Variants in ABCB5 observed in about 807,000 individuals in gnomAD.
The protein encoded by ABCB5 is ATP binding cassette subfamily B member 5, also known as ATP-binding cassette sub-family B member 5.
In ABCB5, 155 loss-of-function variants were observed where a neutral mutation model predicts 144.2. That is an observed-to-expected ratio of 1.08 (90% CI 0.94 to 1.23). The LOEUF is 1.23. Among genes scored for constraint, ABCB5 ranks in the 50% most tolerant of loss-of-function variants. The probability of loss-of-function intolerance (pLI) is 0.00; values close to 1 mark genes in which losing one functional copy is unlikely to be tolerated. For missense variants in ABCB5, 1,830 were observed against 1,520.8 expected (o/e 1.20, Z -3.38); for synonymous variants, 610 against 528.6 (o/e 1.15, Z -2.11).
intron 13 of ABCB5, among the ~76,000 whole-genome samples, chr7:20,653,320 T>C (rs1379409473): frequency 6.6e-6 from 1 of 152,160 alleles, no homozygotes; most frequent in Non-Finnish European, 1.5e-5. Context: ...TCCACAGCCA[T>C]AGCTAACCAG....
At chr7:20,647,735 A>G in intron 10 of ABCB5, 87 bp downstream of exon 10, 7 of 1,506,386 alleles carry the variant, frequency 4.6e-6, no homozygotes, top group Non-Finnish European at 6.2e-6. Context: ...CACTAAAACA[A>G]TAGGATGGAC....
chr7:20,739,503 T>C (rs949981076), intron 24 of ABCB5, among the ~76,000 whole-genome samples: 3 of 151,950 alleles, frequency 2.0e-5, no homozygotes, highest in Non-Finnish European at 2.9e-5. Flanking sequence ...GCAAAATAAT[T>C]TTATGGCTGC....
chr7:20,714,830 CA>C (rs34069825), intron 20 of ABCB5, among the ~76,000 whole-genome samples: 1 of 152,176 alleles, frequency 6.6e-6, no homozygotes, highest in Non-Finnish European at 1.5e-5. Context: ...CCTGTCTCAT[CA>C]AAAATCTGTC....
intron 26 of ABCB5, among the ~76,000 whole-genome samples, chr7:20,746,037 T>C (rs957960109): frequency 6.6e-6 from 1 of 152,206 alleles, no homozygotes; most frequent in African/African-American, 2.4e-5. Flanking sequence ...CTTAGGACAT[T>C]TGCGTTTGCT....
intron 5 of ABCB5, among the ~76,000 whole-genome samples, chr7:20,636,986 C>G (rs1188519099): frequency 2.0e-5 from 3 of 152,032 alleles, no homozygotes; most frequent in African/African-American, 7.2e-5. Flanking sequence ...ACATACATGA[C>G]AAATACGGAT....
intron 9 of ABCB5, chr7:20,647,271 A>G: frequency 3.4e-6 from 4 of 1,185,526 alleles, no homozygotes; most frequent in Non-Finnish European, 4.2e-6. Flanking sequence ...GATAACCACA[A>G]GACTATGAGA....
intron 21 of ABCB5, among the ~76,000 whole-genome samples, chr7:20,723,886 G>A (rs1224590341): frequency 3.3e-5 from 5 of 152,140 alleles, no homozygotes; most frequent in Non-Finnish European, 7.4e-5. Context: ...TTAATCATTT[G>A]GAAAATGCCT....
intron 14 of ABCB5, among the ~76,000 whole-genome samples, chr7:20,664,498 C>G (rs1785107282): frequency 6.6e-6 from 1 of 152,124 alleles, no homozygotes; most frequent in Non-Finnish European, 1.5e-5. Context: ...TATGGATAAG[C>G]ATCTTGGTGA....
chr7:20,643,482 T>C lies in ABCB5; in HGVS notation c.528T>C (p.Asp176=). ...RMTDDIDKIS[D]GIGDKIALLF... is the part of the protein sequence containing the mutation. Reference sequence around the variant, plus strand: ...TCAGTGACATTGACAAAATCAGTGATGGTATTGGAGATAAGATTGCTCTGT... The same window carrying C: ...TCAGTGACATTGACAAAATCAGTGACGGTATTGGAGATAAGATTGCTCTGT... Residue 176 remains aspartate (D), a synonymous_variant, in exon 7 of 28, where the codon GAT becomes GAC. Coordinates refer to ENST00000404938, the MANE Select transcript of ABCB5 (RefSeq NM_001163941.2). 2 of 1,614,030 alleles carry C rather than the reference T, an allele frequency of 1.2e-6. No individual in the cohort carries two copies. The highest frequency in any genetic ancestry group is 1.1e-5 in the South Asian group (1 of 91,088).
At chr7:20,690,124 T>TA (rs1263295780) in intron 16 of ABCB5, among the ~76,000 whole-genome samples, 1 of 152,114 alleles carries the variant, frequency 6.6e-6, no homozygotes, top group Admixed American at 6.5e-5. Context: ...CCTGAATGAA[T>TA]AAAAAATCAC....
chr7:20,640,747 G>GA lies in ABCB5; in HGVS notation c.315-2429dup, dbSNP rs558869800. 4.6e-5 allele frequency among the ~76,000 whole-genome samples: 7 copies of GA among 151,964 alleles called. No individual in the cohort carries two copies. The South Asian group carries it at 6.3e-4, about 14-fold the overall frequency. The stretch of plus-strand genomic sequence containing the variant: ...ACCACAAGTATTGACTTGGGACTTA[G>GA]AAAAAAAACTTTAGCAAGGAAGCAG... On this transcript the variant is annotated intron_variant, in intron 5 of 27. Transcript: ENST00000404938.
In ABCB5 at chr7:20,739,085, C is replaced by T. The variant is rs2128054313; in HGVS notation, c.2970C>T (p.Ala990=). The change falls in exon 24 of 28, where the codon GCC becomes GCT. Residue 990 remains alanine (A), a synonymous_variant. Coordinates refer to ENST00000404938, the MANE Select transcript of ABCB5 (RefSeq NM_001163941.2). ...AATCGGGGGCTGCGCATCTGTTTGC[C>T]TTGTTGGAAAAGAAACCAAATATAG... ...KAKSGAAHLF[A]LLEKKPNIDS... 6.2e-7 allele frequency: 1 copy of T among 1,610,488 alleles called. No homozygotes were observed. Among genetic ancestry groups the T allele is most frequent in the Non-Finnish European group, 8.5e-7 (1 of 1,178,450 alleles).
intron 4 of ABCB5, among the ~76,000 whole-genome samples, chr7:20,630,847 CTAATTTTTCTTG>C (rs1562528849): frequency 1.1e-5 from 1 of 89,028 alleles, no homozygotes; most frequent in African/African-American, 6.6e-5. Context: ...GCTGTGAATT[CTAATTTTTCTTG>C]TTGTTCAAGG....
chr7:20,711,776 T>TTCTCTCTCTC lies in ABCB5; in HGVS notation c.2421+6974_2421+6975insCTCTCTCTCT, dbSNP rs537885442. On this transcript the variant is annotated intron_variant, in intron 20 of 27. Coordinates refer to ENST00000404938, the MANE Select transcript of ABCB5 (RefSeq NM_001163941.2). ...GCCCAGCCTGCCTGCCTTTCCTTCT[T>TTCTCTCTCTC]TCTCTTTCTTTCTTTCTTTCTTTCT... Among the ~76,000 whole-genome samples the TTCTCTCTCTC allele has an allele frequency of 4.9e-3, 205 of 42,218 alleles. 29 individuals carry two copies. The highest frequency in any genetic ancestry group is 0.033 in the East Asian group (45 of 1,348). 27.7% of individuals were successfully genotyped at this position (42,218 alleles called of 152,430 possible).
At chr7:20,643,127 G>A in intron 5 of ABCB5, 57 bp from the exon 6 acceptor site, 1 of 1,433,714 alleles carries the variant, frequency 7.0e-7, no homozygotes, top group Non-Finnish European at 9.6e-7. Context: ...TTTTTTATGT[G>A]TGTAACAAGA....
chr7:20,725,121 A>T (rs1781994749), intron 21 of ABCB5, among the ~76,000 whole-genome samples: 1 of 152,244 alleles, frequency 6.6e-6, no homozygotes, highest in Admixed American at 6.5e-5. Context: ...ACCTCAGACT[A>T]TACAACAAAC....
Position 20,717,883 on chromosome 7 carries a change from C to CTTTTTTT in ABCB5, c.2422-5103_2422-5097dup, listed in dbSNP as rs574592723. Among the ~76,000 whole-genome samples the CTTTTTTT allele has an allele frequency of 4.2e-4, 18 of 43,272 alleles. 7 individuals carry two copies. Among genetic ancestry groups the CTTTTTTT allele is most frequent in the African/African-American group, 8.8e-4 (12 of 13,666 alleles). 28.4% of individuals were successfully genotyped at this position (43,272 alleles called of 152,430 possible). The stretch of plus-strand genomic sequence containing the variant: ...AATACGGTAACATTCTTGTAACATT[C>CTTTTTTT]TTTTTTTTTTTTTTTTTTTTTTTTT... On this transcript the variant is annotated intron_variant, in intron 20 of 27. Coordinates refer to ENST00000404938, the MANE Select transcript of ABCB5 (RefSeq NM_001163941.2).
chr7:20,697,876 G>C (rs575191185), intron 16 of ABCB5, among the ~76,000 whole-genome samples: 118 of 152,250 alleles, frequency 7.8e-4, no homozygotes, highest in South Asian at 3.3e-3. Context: ...TAATGTGCTC[G>C]GATATTGCAA....
intron 6 of ABCB5, 23 bp from the exon 7 acceptor site, chr7:20,643,438 C>G (rs1214308596): frequency 6.2e-7 from 1 of 1,613,738 alleles, no homozygotes; most frequent in South Asian, 1.1e-5. Context: ...AATGACCTAA[C>G]TACATTTATT....
Sources: allele counts gnomAD v4.1 joint callset (sites outside exome capture counted in the v4.1 genomes callset), GRCh38; gene constraint gnomAD v4.1.1; transcripts MANE v1.5; gene names NCBI Gene and HGNC (gene_info 2026-07-23, HGNC 2026-07-21).